COL22A1: variants seen among roughly 807,000 people sequenced by gnomAD.
COL22A1 encodes the protein collagen alpha-1(XXII) chain.
In COL22A1, 221 loss-of-function variants were observed where a neutral mutation model predicts 248.9. The ratio of observed to expected loss-of-function variants is 0.89; its 90% CI spans 0.80 to 0.99. COL22A1 has a LOEUF of 0.99. Among genes scored for constraint, COL22A1 ranks in the 50% least tolerant of loss-of-function variants. COL22A1 has a pLI of 0.00. For synonymous variants in COL22A1, 891 were observed against 793.4 expected (o/e 1.12, Z -2.07); for missense variants, 2,240 against 2,179.0 (o/e 1.03, Z -0.56).
chr8:138,857,949 C>T (rs531335997), intron 3 of COL22A1, among the ~76,000 whole-genome samples: 7 of 152,322 alleles, frequency 4.6e-5, no homozygotes, highest in South Asian at 2.1e-4. Flanking sequence ...ACTGCTCCTC[C>T]GGTTATAATT....
rs1821059509 is a variant in COL22A1, at chr8:138,844,011, T to C, written c.733+73A>G. On this transcript the variant is annotated intron_variant, in intron 4 of 64. Coordinates refer to ENST00000303045, the MANE Select transcript of COL22A1 (RefSeq NM_152888.3). ...AGGGTCAGTGAGGCCACCCCTGAAT[T>C]GACTAGGGTCATGCTCAGGCTCAGC... The C allele has an allele frequency of 3.0e-6, 4 of 1,337,254 alleles. No homozygotes were observed. The East Asian group carries it at 6.9e-5, about 23-fold the overall frequency. The allele number at this position is 1,337,254 out of a possible 1,614,324, so 82.8% of individuals were successfully genotyped here.
At chr8:138,643,279 G>A (rs1396485248) in intron 47 of COL22A1, among the ~76,000 whole-genome samples, 5 of 152,130 alleles carry the variant, frequency 3.3e-5, no homozygotes, top group Non-Finnish European at 7.4e-5. Context: ...TATCTGCACT[G>A]AGATCTGATA....
chr8:138,601,360 C>T (rs1277599389), intron 60 of COL22A1, among the ~76,000 whole-genome samples: 1 of 152,080 alleles, frequency 6.6e-6, no homozygotes, highest in Non-Finnish European at 1.5e-5. Flanking sequence ...AGAAGCCAGC[C>T]GGCTCCCCAC....
intron 11 of COL22A1, among the ~76,000 whole-genome samples, 157 bp downstream of exon 11, chr8:138,802,715 G>A (rs1339389371): frequency 5.9e-5 from 9 of 152,174 alleles, no homozygotes; most frequent in Admixed American, 2.6e-4. Flanking sequence ...TGCCCATGGA[G>A]AGGAGCTAGG....
In COL22A1 at chr8:138,843,660, G is replaced by A. The variant is rs1028864224; in HGVS notation, c.733+424C>T. Among the ~76,000 whole-genome samples, 3 of 152,138 alleles carry A rather than the reference G, an allele frequency of 2.0e-5. No individual in the cohort carries two copies. The South Asian group carries it at 6.2e-4, about 32-fold the overall frequency. On this transcript the variant is annotated intron_variant, in intron 4 of 64. Transcript: ENST00000303045. Reference sequence around the variant, plus strand: ...GGTATTTCTTTCTGCTGCTGGGTCTGCAGTCACGTGTCTCTTTGTTCTCTC... The same window carrying A: ...GGTATTTCTTTCTGCTGCTGGGTCTACAGTCACGTGTCTCTTTGTTCTCTC...
intron 11 of COL22A1, among the ~76,000 whole-genome samples, chr8:138,802,516 G>A (rs550657489): frequency 6.6e-6 from 1 of 152,018 alleles, no homozygotes; most frequent in African/African-American, 2.4e-5. Context: ...GAAAACAGGG[G>A]TGGGGAGAAG....
intron 41 of COL22A1, among the ~76,000 whole-genome samples, chr8:138,664,203 G>GCGCGCA (rs754620328): frequency 1.1e-5 from 1 of 90,116 alleles, no homozygotes; most frequent in Admixed American, 1.1e-4. Flanking sequence ...GTGCGCGCGC[G>GCGCGCA]CGCGCGCACA....
intron 22 of COL22A1, among the ~76,000 whole-genome samples, chr8:138,746,387 T>G (rs1314566635): frequency 2.6e-5 from 4 of 152,182 alleles, no homozygotes; most frequent in Non-Finnish European, 4.4e-5. Flanking sequence ...AGGAGAGAGA[T>G]AATTTTTTGA....
Position 138,792,899 on chromosome 8 carries a change from C to T in COL22A1, c.1596+3920G>A, listed in dbSNP as rs139287518. 2.8e-3 allele frequency among the ~76,000 whole-genome samples: 420 copies of T among 152,296 alleles called. 2 individuals are homozygous for T. Among genetic ancestry groups the T allele is most frequent in the African/African-American group, 9.6e-3 (397 of 41,562 alleles). On this transcript the variant is annotated intron_variant, in intron 12 of 64. Transcript: ENST00000303045. ...ACAATCAGTGATTGTGTTTCCTGGGCACATACTAACTGTGTGACCTTGTGC... is the reference window on the plus strand; with the variant it reads ...ACAATCAGTGATTGTGTTTCCTGGGTACATACTAACTGTGTGACCTTGTGC...
intron 12 of COL22A1, among the ~76,000 whole-genome samples, chr8:138,781,351 A>G (rs1814979777): frequency 6.6e-6 from 1 of 152,068 alleles, no homozygotes; most frequent in African/African-American, 2.4e-5. Flanking sequence ...GGGGCTCTCA[A>G]CCTTGGCATC....
intron 44 of COL22A1, among the ~76,000 whole-genome samples, chr8:138,659,405 A>G (rs1209877382): frequency 6.6e-6 from 1 of 152,214 alleles, no homozygotes; most frequent in Non-Finnish European, 1.5e-5. Flanking sequence ...CTTACAAAAG[A>G]GATAGGCAGC....
chr8:138,635,732 T>C (rs926599176), intron 48 of COL22A1, among the ~76,000 whole-genome samples: 3 of 151,992 alleles, frequency 2.0e-5, no homozygotes, highest in Non-Finnish European at 2.9e-5. Flanking sequence ...GCCTTACCAC[T>C]GAAACCACAG....
chr8:138,807,542 C>T lies in COL22A1; in HGVS notation c.1494+226G>A, dbSNP rs73723534. ...GAGCCAGGGCTCTGGGAATCTAACC[C>T]TTTCTTGCTCATATTTGCAGACTGA... On this transcript the variant is annotated intron_variant, in intron 10 of 64. Transcript: ENST00000303045. Among the ~76,000 whole-genome samples the T allele has an allele frequency of 0.013, 1,926 of 152,302 alleles. 43 individuals are homozygous for T. The highest frequency in any genetic ancestry group is 0.044 in the African/African-American group (1,817 of 41,560).
At chr8:138,654,777 G>A (rs906594861) in intron 45 of COL22A1, among the ~76,000 whole-genome samples, 2 of 152,130 alleles carry the variant, frequency 1.3e-5, no homozygotes, top group African/African-American at 4.8e-5. Flanking sequence ...TTAGCCTTCG[G>A]GTGTAACTCC....
intron 23 of COL22A1, among the ~76,000 whole-genome samples, chr8:138,732,449 T>C (rs1830782436): frequency 6.6e-6 from 1 of 152,216 alleles, no homozygotes; most frequent in Non-Finnish European, 1.5e-5. Flanking sequence ...ACTTGGACAA[T>C]GGACTTCTCT....
rs552798178 is a variant in COL22A1 at position 138,733,306 on chromosome 8, T to A, written c.2139+4218A>T. On this transcript the variant is annotated intron_variant, in intron 23 of 64. Coordinates refer to ENST00000303045, the MANE Select transcript of COL22A1 (RefSeq NM_152888.3). The stretch of plus-strand genomic sequence containing the variant: ...GGACATCATGGATGTATAGATTTAT[T>A]GTAAAATTTTCTAGCAGGTGGAATA... Among the ~76,000 whole-genome samples the A allele has an allele frequency of 3.7e-4, 56 of 152,340 alleles. 1 individual carries two copies. In the South Asian group the frequency reaches 0.011, roughly 30 times the overall value.
At chr8:138,725,320 C>G in intron 24 of COL22A1, 67 bp downstream of exon 24, 12 of 1,493,592 alleles carry the variant, frequency 8.0e-6, no homozygotes, top group Non-Finnish European at 1.1e-5. Context: ...ACAAAGATGT[C>G]CCCAGGTCCC....
chr8:138,715,731 T>A lies in COL22A1; in HGVS notation c.2468A>T (p.Glu823Val), dbSNP rs768060362. The A allele has an allele frequency of 1.2e-6, 2 of 1,610,038 alleles. No homozygotes were observed. The highest frequency in any genetic ancestry group is 8.5e-7 in the Non-Finnish European group (1 of 1,177,284). Residue 823 changes from glutamate to valine, a missense_variant, in exon 30 of 65, where the codon GAA (glutamate) becomes GTA (valine). Coordinates refer to ENST00000303045, the MANE Select transcript of COL22A1 (RefSeq NM_152888.3). ...TCCTGGAAGTCCCAGTTCACCTTTT[T>A]CTCCCTATAATAAAAGATAAAATTA... ...GVRGEKGDQG[E>V]KGELGLPGLK...
chr8:138,876,145 G>A (rs1004016802), intron 3 of COL22A1, among the ~76,000 whole-genome samples: 1 of 152,034 alleles, frequency 6.6e-6, no homozygotes, highest in African/African-American at 2.4e-5. Flanking sequence ...ATCTGGCAAT[G>A]CCCAGCAGCC....
Sources: allele counts gnomAD v4.1 joint callset (sites outside exome capture counted in the v4.1 genomes callset), GRCh38; gene constraint gnomAD v4.1.1; transcripts MANE v1.5; gene names NCBI Gene and HGNC (gene_info 2026-07-23, HGNC 2026-07-21).